Variants in FAM241A observed in about 807,000 individuals in gnomAD.
The protein encoded by FAM241A is uncharacterized protein FAM241A.
Under a neutral mutation model 12.2 loss-of-function variants are expected in FAM241A, and 7 were observed. The observed-to-expected ratio is 0.58, with a 90% confidence interval of 0.33 to 1.08. The LOEUF (loss-of-function observed/expected upper bound fraction) is 1.08. Among genes scored for constraint, FAM241A ranks in the 50% least tolerant of loss-of-function variants. The pLI is 0.04. For synonymous variants in FAM241A, 74 were observed against 68.2 expected (o/e 1.08, Z -0.42); for missense variants, 161 against 169.7 (o/e 0.95, Z 0.29).
chr4:112,161,863 G>C (rs556950083), intron 1 of FAM241A, among the ~76,000 whole-genome samples: 1 of 152,096 alleles, frequency 6.6e-6, no homozygotes, highest in Non-Finnish European at 1.5e-5. Context: ...CAAAAAAAGA[G>C]AATTTTAGAC....
Position 112,162,617 on chromosome 4 carries a change from T to G in FAM241A, c.153+16884T>G, listed in dbSNP as rs557336721. ...CCAACTTAAAGGGATGTGAAGGACC[T>G]CTTCAAGGAGAACTACAAACCACTG... On this transcript the variant is annotated intron_variant, in intron 1 of 1. Coordinates refer to ENST00000309733, the MANE Select transcript of FAM241A (RefSeq NM_152400.3). 4.7e-4 allele frequency among the ~76,000 whole-genome samples: 72 copies of G among 152,262 alleles called. 1 individual carries two copies. Among genetic ancestry groups the G allele is most frequent in the Middle Eastern group, 3.4e-3 (1 of 294 alleles).
intron 1 of FAM241A, among the ~76,000 whole-genome samples, chr4:112,146,949 T>C (rs965991429): frequency 3.9e-5 from 6 of 152,180 alleles, no homozygotes; most frequent in Non-Finnish European, 7.3e-5. Context: ...ATTCATTTGC[T>C]CAAGGGCTTG....
In FAM241A at chr4:112,188,261, A is replaced by G. The variant is rs1724085360; in HGVS notation, c.*1323A>G. On this transcript the variant is annotated 3_prime_UTR_variant, in exon 2 of 2. Transcript: ENST00000309733. ...GAAATTGGGGCAGTCAGGCATTTGT[A>G]TCTTTGGTAGGGCAACAAGTAAAAC... 2.6e-5 allele frequency: 4 copies of G among 152,248 alleles called. No individual in the cohort carries two copies. In the South Asian group the frequency reaches 8.3e-4, roughly 32 times the overall value. 9.4% of individuals were successfully genotyped at this position (152,248 alleles called of 1,614,324 possible). A position where few individuals can be genotyped will look rare whatever the true frequency, so the allele number is the denominator to read the frequency against.
At chr4:112,176,443 T>TAAA (rs1269279920) in intron 1 of FAM241A, among the ~76,000 whole-genome samples, 1 of 152,210 alleles carries the variant, frequency 6.6e-6, no homozygotes, top group South Asian at 2.1e-4. Flanking sequence ...AGTCAGTGGT[T>TAAA]AAGTAATTTG....
chr4:112,182,123 G>A (rs996567088), intron 1 of FAM241A, among the ~76,000 whole-genome samples: 1 of 152,166 alleles, frequency 6.6e-6, no homozygotes, highest in Non-Finnish European at 1.5e-5. Context: ...GGGTCATGGG[G>A]AAGAGGGAGA....
In FAM241A at chr4:112,194,583, C is replaced by T. The variant is rs1259007754; in HGVS notation, c.*7645C>T. On this transcript the variant is annotated 3_prime_UTR_variant, in exon 2 of 2. Coordinates refer to ENST00000309733, the MANE Select transcript of FAM241A (RefSeq NM_152400.3). ...AGCGTTGTTGAATTTTGTCAAAGGC[C>T]TTTTCTGCATCTATTGAGATAATCA... The T allele has an allele frequency of 6.6e-6, 1 of 152,012 alleles. No homozygotes were observed. Among genetic ancestry groups the T allele is most frequent in the Non-Finnish European group, 1.5e-5 (1 of 68,018 alleles). 9.4% of individuals were successfully genotyped at this position (152,012 alleles called of 1,614,324 possible).
At chr4:112,154,479 G>C (rs1433006677) in intron 1 of FAM241A, among the ~76,000 whole-genome samples, 1 of 151,984 alleles carries the variant, frequency 6.6e-6, no homozygotes, top group Non-Finnish European at 1.5e-5. Context: ...TGTTGCCCAG[G>C]CTGGTTATGA....
intron 1 of FAM241A, among the ~76,000 whole-genome samples, chr4:112,170,886 G>GA (rs34674981): frequency 0.015 from 2,021 of 132,678 alleles, 40 homozygotes; most frequent in East Asian, 0.048. Context: ...TTAAAAATAG[G>GA]AAAAAAAAAA....
At chr4:112,178,855 CAT>C (rs1723872790) in intron 1 of FAM241A, among the ~76,000 whole-genome samples, 1 of 151,904 alleles carries the variant, frequency 6.6e-6, no homozygotes, top group Non-Finnish European at 1.5e-5. Flanking sequence ...CAAAGGAAGA[CAT>C]AAAAGCGGCC....
intron 1 of FAM241A, among the ~76,000 whole-genome samples, chr4:112,173,645 G>A (rs1275252203): frequency 6.6e-6 from 1 of 152,100 alleles, no homozygotes; most frequent in Non-Finnish European, 1.5e-5. Context: ...CTGATTAAAT[G>A]GATCCTTATA....
At chr4:112,154,627 C>T (rs140577005) in intron 1 of FAM241A, among the ~76,000 whole-genome samples, 4 of 152,104 alleles carry the variant, frequency 2.6e-5, no homozygotes, top group Non-Finnish European at 1.5e-5. Flanking sequence ...TATTGTCCTG[C>T]ATATGCAAGG....
rs1275768709 is a variant in FAM241A, at chr4:112,185,762, T to C, written c.154-931T>C. ...GGCATCTCAAGAAGGCACATTGAGA[T>C]TGGTTCTACAAGTGTTGGAAAACCC... is the stretch of plus-strand genomic sequence containing the variant. On this transcript the variant is annotated intron_variant, in intron 1 of 1. Transcript: ENST00000309733. Among the ~76,000 whole-genome samples the C allele has an allele frequency of 2.0e-5, 3 of 152,256 alleles. 1 individual carries two copies. In the South Asian group the frequency reaches 6.2e-4, roughly 32 times the overall value.
At chr4:112,151,840 G>A (rs912084817) in intron 1 of FAM241A, among the ~76,000 whole-genome samples, 2 of 152,088 alleles carry the variant, frequency 1.3e-5, no homozygotes, top group South Asian at 2.1e-4. Context: ...CCAGGTTTCC[G>A]AACACCAAAG....
At chr4:112,182,088 G>C (rs962358372) in intron 1 of FAM241A, among the ~76,000 whole-genome samples, 3 of 152,138 alleles carry the variant, frequency 2.0e-5, no homozygotes, top group Non-Finnish European at 4.4e-5. Context: ...GTAAAACAAA[G>C]AGAATATGGT....
At position 112,188,762 on chromosome 4, in the gene FAM241A, A is replaced by T. The variant is rs1724096471; in HGVS notation, c.*1824A>T. 6.6e-6 allele frequency: 1 copy of T among 152,214 alleles called. No homozygotes were observed. Among genetic ancestry groups the T allele is most frequent in the South Asian group, 2.1e-4 (1 of 4,830 alleles). 9.4% of individuals were successfully genotyped at this position (152,214 alleles called of 1,614,324 possible). On this transcript the variant is annotated 3_prime_UTR_variant, in exon 2 of 2. Coordinates refer to ENST00000309733, the MANE Select transcript of FAM241A (RefSeq NM_152400.3). ...TAAATGATATGATGTACAAAATAAC[A>T]GCTCTGGTTCCACCAGTACCTAATG...
rs887027041 is a variant in FAM241A at position 112,188,867 on chromosome 4, A to G, written c.*1929A>G. ...ACTGTACATCTGCACACTGGTGTTA[A>G]TAGGGTATATATTAAATTATATAAA... On this transcript the variant is annotated 3_prime_UTR_variant, in exon 2 of 2. Transcript: ENST00000309733. The G allele has an allele frequency of 6.6e-6, 1 of 152,138 alleles. No homozygotes were observed. Among genetic ancestry groups the G allele is most frequent in the Non-Finnish European group, 1.5e-5 (1 of 68,000 alleles). The allele number at this position is 152,138 out of a possible 1,614,324, so 9.4% of individuals were successfully genotyped here.
intron 1 of FAM241A, among the ~76,000 whole-genome samples, chr4:112,147,470 ATTG>A (rs957763998): frequency 2.0e-5 from 3 of 152,196 alleles, no homozygotes; most frequent in Admixed American, 6.5e-5. Context: ...AACCCAACCC[ATTG>A]TTGTAAAAAG....
intron 1 of FAM241A, among the ~76,000 whole-genome samples, chr4:112,185,745 A>G (rs1027342814): frequency 6.6e-6 from 1 of 152,176 alleles, no homozygotes; most frequent in African/African-American, 2.4e-5. Context: ...CTGGCATCTC[A>G]AGAAGGCACA....
rs1006318437 is a variant in FAM241A at position 112,191,423 on chromosome 4, A to G, written c.*4485A>G. 40 of 152,106 alleles carry G rather than the reference A, an allele frequency of 2.6e-4. No homozygotes were observed. Among genetic ancestry groups the G allele is most frequent in the African/African-American group, 8.5e-4 (35 of 41,408 alleles). The allele number at this position is 152,106 out of a possible 1,614,324, so 9.4% of individuals were successfully genotyped here. On this transcript the variant is annotated 3_prime_UTR_variant, in exon 2 of 2. Transcript: ENST00000309733. ...GATATCCTTGACCTAAATCTTTTCA[A>G]TGGCTTTCTGTTTTCGTTATGATAA...
Sources: allele counts gnomAD v4.1 joint callset (sites outside exome capture counted in the v4.1 genomes callset), GRCh38; gene constraint gnomAD v4.1.1; transcripts MANE v1.5; gene names NCBI Gene and HGNC (gene_info 2026-07-23, HGNC 2026-07-21).